RTN4RL1: variants seen among roughly 807,000 people sequenced by gnomAD.
RTN4RL1 encodes the protein reticulon-4 receptor-like 1.
In RTN4RL1, 7 loss-of-function variants were observed where a neutral mutation model predicts 25.6. That is an observed-to-expected ratio of 0.27 (90% CI 0.16 to 0.51). The LOEUF is 0.51. RTN4RL1 is among the 20% of genes least tolerant of loss of function. The pLI is 0.97. For missense variants in RTN4RL1, 500 were observed against 615.6 expected (o/e 0.81, Z 1.99); for synonymous variants, 297 against 288.2 (o/e 1.03, Z -0.31).
intron 1 of RTN4RL1, among the ~76,000 whole-genome samples, chr17:1,967,039 G>T (rs1208005875): frequency 6.6e-6 from 1 of 152,164 alleles, no homozygotes; most frequent in Non-Finnish European, 1.5e-5. Flanking sequence ...CAATTCAAAT[G>T]ATTTCAGAGG....
intron 1 of RTN4RL1, among the ~76,000 whole-genome samples, chr17:1,980,840 A>C (rs927363256): frequency 6.5e-5 from 8 of 122,714 alleles, no homozygotes; most frequent in African/African-American, 2.4e-4. Flanking sequence ...AGGCAGGAGA[A>C]TCACTTGAAC....
chr17:2,023,159 A>G (rs1224038961), intron 1 of RTN4RL1, among the ~76,000 whole-genome samples: 1 of 152,240 alleles, frequency 6.6e-6, no homozygotes, highest in African/African-American at 2.4e-5. Flanking sequence ...CAGCCCAGAC[A>G]TGGCGGCCTC....
intron 1 of RTN4RL1, among the ~76,000 whole-genome samples, chr17:1,973,971 G>C (rs912006213): frequency 6.6e-6 from 1 of 150,718 alleles, no homozygotes; most frequent in Non-Finnish European, 1.5e-5. Flanking sequence ...CCCATGAAGC[G>C]GAGATTGCAG....
At chr17:1,945,651 G>A (rs4790295) in intron 1 of RTN4RL1, among the ~76,000 whole-genome samples, 25,939 of 152,130 alleles carry the variant, frequency 0.17, 2,375 homozygotes, top group Admixed American at 0.19. Context: ...ACGCCCGGCC[G>A]CCCTGCTTCA....
intron 1 of RTN4RL1, among the ~76,000 whole-genome samples, chr17:1,947,616 C>T (rs888618718): frequency 8.5e-5 from 13 of 152,338 alleles, no homozygotes; most frequent in Middle Eastern, 3.4e-3. Context: ...TCATCTGCCT[C>T]GCTGGGCCCC....
chr17:2,005,783 TTTTA>T (rs949665569), intron 1 of RTN4RL1, among the ~76,000 whole-genome samples: 2 of 122,192 alleles, frequency 1.6e-5, no homozygotes, highest in African/African-American at 5.4e-5. Context: ...TTCTTTTTTC[TTTTA>T]TTTTTCTTTC....
In RTN4RL1 at chr17:1,940,806, C is replaced by T. The variant is rs112795681; in HGVS notation, c.14-2998G>A. Among the ~76,000 whole-genome samples, 480 of 152,286 alleles carry T rather than the reference C, an allele frequency of 3.2e-3. 5 individuals carry two copies. Among genetic ancestry groups the T allele is most frequent in the African/African-American group, 0.011 (449 of 41,554 alleles). ...TAGGAAGCTTCCTCCCCCAGGGAGC[C>T]GCCCCGCTCTGCCACCCTGAGGGAG... On this transcript the variant is annotated intron_variant, in intron 1 of 1. Coordinates refer to ENST00000331238, the MANE Select transcript of RTN4RL1 (RefSeq NM_178568.4).
At chr17:2,006,773 A>G (rs2066999265) in intron 1 of RTN4RL1, among the ~76,000 whole-genome samples, 1 of 152,158 alleles carries the variant, frequency 6.6e-6, no homozygotes, top group Non-Finnish European at 1.5e-5. Context: ...GGCACATGCC[A>G]TGATGCCTGG....
At chr17:2,003,070 A>T (rs2066969962) in intron 1 of RTN4RL1, 1 of 151,516 alleles carries the variant, frequency 6.6e-6, no homozygotes, top group African/African-American at 2.4e-5. Flanking sequence ...TCTGTGGGGG[A>T]GGTGACAGCT....
chr17:2,004,737 C>G (rs1484512494), intron 1 of RTN4RL1, among the ~76,000 whole-genome samples: 1 of 152,238 alleles, frequency 6.6e-6, no homozygotes, highest in African/African-American at 2.4e-5. Context: ...GGGTGGCCCC[C>G]TCCACCCTAC....
intron 1 of RTN4RL1, among the ~76,000 whole-genome samples, chr17:1,991,543 A>C (rs1284536209): frequency 1.3e-5 from 2 of 151,294 alleles, no homozygotes; most frequent in African/African-American, 2.4e-5. Context: ...TCCAGGCCCC[A>C]GTTTCTTTCT....
intron 1 of RTN4RL1, among the ~76,000 whole-genome samples, chr17:2,022,943 G>A (rs1392634649): frequency 6.6e-6 from 1 of 152,238 alleles, no homozygotes; most frequent in East Asian, 1.9e-4. Context: ...AGTGCACTGT[G>A]CTCATCCACA....
At chr17:1,946,867 CGT>C (rs902205045) in intron 1 of RTN4RL1, among the ~76,000 whole-genome samples, 13 of 52,374 alleles carry the variant, frequency 2.5e-4, no homozygotes, top group Admixed American at 9.2e-4. Flanking sequence ...TCTGTGTGCA[CGT>C]GTGTCTGTGT....
Position 2,024,738 on chromosome 17 carries a change from C to A in RTN4RL1, c.13+115G>T, listed in dbSNP as rs1021719680. Reference sequence around the variant, plus strand: ...GGCGGGTGCGCCCGGCAAAACCCACCAGCCCGCCGGGGGCTACTTCCCAGA... The same window carrying A: ...GGCGGGTGCGCCCGGCAAAACCCACAAGCCCGCCGGGGGCTACTTCCCAGA... On this transcript the variant is annotated intron_variant, in intron 1 of 1. Transcript: ENST00000331238. 3 of 1,086,354 alleles carry A rather than the reference C, an allele frequency of 2.8e-6. No individual in the cohort carries two copies. In the African/African-American group the frequency reaches 5.0e-5, roughly 18 times the overall value. The allele number at this position is 1,086,354 out of a possible 1,614,324, so 67.3% of individuals were successfully genotyped here.
chr17:1,987,497 C>G (rs1297748532), intron 1 of RTN4RL1, among the ~76,000 whole-genome samples: 1 of 152,128 alleles, frequency 6.6e-6, no homozygotes, highest in Non-Finnish European at 1.5e-5. Context: ...ACCATGGGCT[C>G]AAGATGCACC....
At chr17:2,013,037 G>A (rs763899036) in intron 1 of RTN4RL1, among the ~76,000 whole-genome samples, 6 of 152,074 alleles carry the variant, frequency 3.9e-5, no homozygotes, top group African/African-American at 9.7e-5. Context: ...CAGGTGATCC[G>A]CCCTCCTCGG....
chr17:1,979,828 T>G (rs567056567), intron 1 of RTN4RL1, among the ~76,000 whole-genome samples: 2 of 151,920 alleles, frequency 1.3e-5, no homozygotes, highest in African/African-American at 4.8e-5. Flanking sequence ...TCCTCCCCCC[T>G]TGACTGCCGC....
At position 1,961,498 on chromosome 17, in the gene RTN4RL1, C is replaced by T. The variant is rs572508837; in HGVS notation, c.14-23690G>A. 7.2e-5 allele frequency among the ~76,000 whole-genome samples: 11 copies of T among 152,248 alleles called. No individual in the cohort carries two copies. The East Asian group carries it at 1.5e-3, about 21-fold the overall frequency. On this transcript the variant is annotated intron_variant, in intron 1 of 1. Transcript: ENST00000331238. ...CCTCCCACAGAGAGAACATTTAACACAGGTCTGGGAGTTGGGTTTGATACA... is the reference window on the plus strand; with the variant it reads ...CCTCCCACAGAGAGAACATTTAACATAGGTCTGGGAGTTGGGTTTGATACA...
chr17:1,939,078 A>C (rs75520437), intron 1 of RTN4RL1, among the ~76,000 whole-genome samples: 32,732 of 148,088 alleles, frequency 0.22, 3,971 homozygotes, highest in East Asian at 0.36. Flanking sequence ...AAAGGCCGGG[A>C]GCAGTGGCTC....
Sources: allele counts gnomAD v4.1 joint callset (sites outside exome capture counted in the v4.1 genomes callset), GRCh38; gene constraint gnomAD v4.1.1; transcripts MANE v1.5; gene names NCBI Gene and HGNC (gene_info 2026-07-23, HGNC 2026-07-21).